Variants in LRRTM4 observed in about 807,000 individuals in gnomAD.
LRRTM4 encodes the protein leucine-rich repeat transmembrane neuronal protein 4.
Under a neutral mutation model 47.6 loss-of-function variants are expected in LRRTM4, and 25 were observed. That is an observed-to-expected ratio of 0.53 (90% confidence interval 0.38 to 0.73). LRRTM4 has a LOEUF of 0.73. LRRTM4 is among the 30% of genes least tolerant of loss of function. LRRTM4 has a pLI of 0.00. For missense variants in LRRTM4, 638 were observed against 713.4 expected (o/e 0.89, Z 1.20); for synonymous variants, 311 against 269.5 (o/e 1.15, Z -1.51).
At chr2:76,990,821 T>C (rs2103991739) in intron 3 of LRRTM4, among the ~76,000 whole-genome samples, 1 of 151,798 alleles carries the variant, frequency 6.6e-6, no homozygotes, top group East Asian at 1.9e-4. Flanking sequence ...TACAGACTAT[T>C]GCACCCATCA....
At chr2:76,839,256 G>A (rs1671605126) in intron 3 of LRRTM4, among the ~76,000 whole-genome samples, 1 of 152,070 alleles carries the variant, frequency 6.6e-6, no homozygotes, top group Admixed American at 6.6e-5. Context: ...ATCCTCAAAT[G>A]ACAATTTCTG....
intron 3 of LRRTM4, among the ~76,000 whole-genome samples, chr2:77,145,716 G>A: frequency 6.6e-6 from 1 of 151,842 alleles, no homozygotes; most frequent in East Asian, 1.9e-4. Context: ...GGAGCTTGCA[G>A]TGAGCAGAGA....
At chr2:77,189,725 AACTT>A in intron 3 of LRRTM4, among the ~76,000 whole-genome samples, 1 of 152,172 alleles carries the variant, frequency 6.6e-6, no homozygotes, top group South Asian at 2.1e-4. Flanking sequence ...TAGAAGCCTG[AACTT>A]ACTTTATACT....
intron 3 of LRRTM4, among the ~76,000 whole-genome samples, chr2:77,328,118 C>T (rs1670846968): frequency 6.6e-6 from 1 of 152,162 alleles, no homozygotes; most frequent in Admixed American, 6.5e-5. Flanking sequence ...TAGGTGACCT[C>T]TTATTTTTGG....
chr2:77,048,335 C>A (rs957972888), intron 3 of LRRTM4, among the ~76,000 whole-genome samples: 3 of 151,958 alleles, frequency 2.0e-5, no homozygotes, highest in African/African-American at 7.2e-5. Flanking sequence ...CCCATACATG[C>A]ATTTAGGTGT....
At chr2:77,197,901 A>G (rs1447157228) in intron 3 of LRRTM4, among the ~76,000 whole-genome samples, 2 of 152,190 alleles carry the variant, frequency 1.3e-5, no homozygotes, top group African/African-American at 4.8e-5. Context: ...TGCATGTATT[A>G]TATCAACCAG....
intron 3 of LRRTM4, among the ~76,000 whole-genome samples, chr2:77,246,202 A>G (rs1479881316): frequency 6.6e-6 from 1 of 152,294 alleles, no homozygotes; most frequent in Non-Finnish European, 1.5e-5. Flanking sequence ...GTTTTCTACA[A>G]TTTAATTGCT....
At chr2:77,223,826 C>A (rs886771756) in intron 3 of LRRTM4, among the ~76,000 whole-genome samples, 8 of 152,142 alleles carry the variant, frequency 5.3e-5, no homozygotes, top group Non-Finnish European at 1.5e-5. Context: ...ATCAAGCTAC[C>A]AATGACTTTC....
At chr2:77,016,110 G>A (rs961280614) in intron 3 of LRRTM4, among the ~76,000 whole-genome samples, 1 of 151,668 alleles carries the variant, frequency 6.6e-6, no homozygotes, top group Admixed American at 6.6e-5. Flanking sequence ...ACAAAAATCC[G>A]GGAGCAGTGG....
At chr2:76,799,229 A>G (rs1264282550) in intron 3 of LRRTM4, among the ~76,000 whole-genome samples, 2 of 121,528 alleles carry the variant, frequency 1.6e-5, no homozygotes, top group African/African-American at 3.7e-5. Flanking sequence ...CGAATCCAGC[A>G]GCACATCAAA....
intron 3 of LRRTM4, among the ~76,000 whole-genome samples, chr2:76,833,654 A>C (rs895975751): frequency 6.6e-6 from 1 of 151,952 alleles, no homozygotes; most frequent in Admixed American, 6.6e-5. Context: ...GTAAAATTCT[A>C]AATTGTTATT....
At chr2:77,224,905 A>C (rs1467487615) in intron 3 of LRRTM4, among the ~76,000 whole-genome samples, 1 of 152,146 alleles carries the variant, frequency 6.6e-6, no homozygotes, top group Non-Finnish European at 1.5e-5. Flanking sequence ...CTATAAAGAC[A>C]CATGCACACG....
At chr2:77,505,044 A>C (rs908641742) in intron 3 of LRRTM4, among the ~76,000 whole-genome samples, 2 of 151,314 alleles carry the variant, frequency 1.3e-5, no homozygotes, top group African/African-American at 2.4e-5. Flanking sequence ...AAATTATTAA[A>C]TATAACTCAA....
At chr2:77,054,017 T>C (rs1414934166) in intron 3 of LRRTM4, among the ~76,000 whole-genome samples, 1 of 152,188 alleles carries the variant, frequency 6.6e-6, no homozygotes, top group Non-Finnish European at 1.5e-5. Context: ...TGATAAGTTT[T>C]GGAGTTCTGA....
intron 3 of LRRTM4, among the ~76,000 whole-genome samples, chr2:76,898,553 CA>C (rs56345618): frequency 0.22 from 13,998 of 64,106 alleles, 310 homozygotes; most frequent in Non-Finnish European, 0.26. Context: ...AGCTCCGTCT[CA>C]AAAAAAAAAA....
At chr2:76,851,370 T>C (rs1686213884) in intron 3 of LRRTM4, among the ~76,000 whole-genome samples, 1 of 152,202 alleles carries the variant, frequency 6.6e-6, no homozygotes, top group Non-Finnish European at 1.5e-5. Context: ...GCTAATGTAC[T>C]GAAATAGCAG....
chr2:77,414,910 C>T (rs564898907), intron 3 of LRRTM4, among the ~76,000 whole-genome samples: 8 of 152,158 alleles, frequency 5.3e-5, no homozygotes, highest in Non-Finnish European at 7.4e-5. Flanking sequence ...TGACACTTTC[C>T]AATGCCTTTT....
chr2:77,418,843 T>C (rs549915640), intron 3 of LRRTM4, among the ~76,000 whole-genome samples: 1 of 152,292 alleles, frequency 6.6e-6, no homozygotes, highest in East Asian at 1.9e-4. Flanking sequence ...GCCACATCTG[T>C]GTACTCCTTC....
chr2:77,162,823 T>G (rs1463677846), intron 3 of LRRTM4, among the ~76,000 whole-genome samples: 1 of 152,064 alleles, frequency 6.6e-6, no homozygotes, highest in East Asian at 1.9e-4. Context: ...CATCTGTATG[T>G]CACCATCATC....
Sources: allele counts gnomAD v4.1 joint callset (sites outside exome capture counted in the v4.1 genomes callset), GRCh38; gene constraint gnomAD v4.1.1; transcripts MANE v1.5; gene names NCBI Gene and HGNC (gene_info 2026-07-23, HGNC 2026-07-21).